The following RANBP17 variants were observed in gnomAD, a reference collection of about 807,000 sequenced individuals.
The protein encoded by RANBP17 is RAN binding protein 17, also known as ran-binding protein 17.
Under a neutral mutation model 141.2 loss-of-function variants are expected in RANBP17, and 158 were observed. The observed-to-expected ratio is 1.12, with a 90% CI of 0.98 to 1.28. The LOEUF (loss-of-function observed/expected upper bound fraction) is 1.28, where lower values mean the gene tolerates loss of function less well. RANBP17 is among the 50% of genes most tolerant of loss of function. RANBP17 has a pLI of 0.00. For synonymous variants in RANBP17, 430 were observed against 450.0 expected (o/e 0.96, Z 0.56); for missense variants, 1,438 against 1,290.7 (o/e 1.11, Z -1.75).
intron 2 of RANBP17, among the ~76,000 whole-genome samples, chr5:170,881,076 A>G (rs918322830): frequency 4.9e-5 from 7 of 143,886 alleles, no homozygotes; most frequent in Non-Finnish European, 9.1e-5. Context: ...TACAGATTTC[A>G]TATATTTTTC....
intron 14 of RANBP17, among the ~76,000 whole-genome samples, chr5:171,049,407 A>T (rs1029283906): frequency 6.6e-6 from 1 of 152,152 alleles, no homozygotes; most frequent in African/African-American, 2.4e-5. Context: ...GTGTTCTCCC[A>T]TTCTGTAGGT....
intron 1 of RANBP17, among the ~76,000 whole-genome samples, chr5:170,869,950 G>A (rs896080509): frequency 6.6e-6 from 1 of 152,150 alleles, no homozygotes; most frequent in African/African-American, 2.4e-5. Flanking sequence ...GATTGGCACT[G>A]TTACTAGTCT....
Position 171,205,523 on chromosome 5 carries a change from G to A in RANBP17, c.2143-1G>A, listed in dbSNP as rs1762527675. ...TTACTGTGTCTCTTTCCCACTGACA[G>A]CGTATGTTGATCGGGCTGGCAAGAG... On this transcript the variant is annotated splice_acceptor_variant, in intron 19 of 27. Transcript: ENST00000523189. LOFTEE classifies it high-confidence loss of function. 5 of 1,613,296 alleles carry A rather than the reference G, an allele frequency of 3.1e-6. No individual in the cohort carries two copies. Among genetic ancestry groups the A allele is most frequent in the Admixed American group, 1.7e-5 (1 of 59,974 alleles).
At chr5:170,936,148 G>A (rs919328051) in intron 12 of RANBP17, among the ~76,000 whole-genome samples, 7 of 152,172 alleles carry the variant, frequency 4.6e-5, no homozygotes, top group South Asian at 2.1e-4. Flanking sequence ...TTGGAAAAGC[G>A]CAGTATTAGG....
chr5:171,195,746 G>A (rs1056179010), intron 18 of RANBP17, among the ~76,000 whole-genome samples: 3 of 152,168 alleles, frequency 2.0e-5, no homozygotes, highest in Admixed American at 6.5e-5. Context: ...ATCCTGGCTC[G>A]CTGACATTTA....
At chr5:171,159,049 A>G (rs1185181117) in intron 14 of RANBP17, among the ~76,000 whole-genome samples, 1 of 152,196 alleles carries the variant, frequency 6.6e-6, no homozygotes, top group Non-Finnish European at 1.5e-5. Flanking sequence ...TTGCTGAATT[A>G]TTCATTACAT....
At chr5:171,226,596 A>G (rs990609228) in intron 22 of RANBP17, among the ~76,000 whole-genome samples, 4 of 152,182 alleles carry the variant, frequency 2.6e-5, no homozygotes, top group African/African-American at 9.7e-5. Context: ...CCTAGATAAT[A>G]GGCCATTGGT....
At chr5:171,191,956 A>C (rs1053238003) in intron 18 of RANBP17, among the ~76,000 whole-genome samples, 15 of 152,224 alleles carry the variant, frequency 9.9e-5, no homozygotes, top group African/African-American at 3.4e-4. Context: ...TGAAATAAAC[A>C]GATAGATGCA....
At chr5:171,057,890 C>T (rs576153842) in intron 14 of RANBP17, among the ~76,000 whole-genome samples, 7 of 152,050 alleles carry the variant, frequency 4.6e-5, no homozygotes, top group Admixed American at 2.0e-4. Flanking sequence ...CACCTGGTCT[C>T]GGCCTTGACA....
intron 14 of RANBP17, among the ~76,000 whole-genome samples, chr5:171,043,589 A>G (rs1206465575): frequency 6.6e-6 from 1 of 152,146 alleles, no homozygotes; most frequent in East Asian, 1.9e-4. Context: ...ACAGGAATAT[A>G]TTTATTGCAT....
At chr5:171,103,517 G>A (rs1320816657) in intron 14 of RANBP17, among the ~76,000 whole-genome samples, 1 of 152,128 alleles carries the variant, frequency 6.6e-6, no homozygotes, top group African/African-American at 2.4e-5. Context: ...TTCAAGCCAG[G>A]GGATCTTAGC....
intron 14 of RANBP17, among the ~76,000 whole-genome samples, chr5:171,005,385 T>C (rs1472325446): frequency 2.6e-5 from 4 of 152,180 alleles, no homozygotes; most frequent in South Asian, 2.1e-4. Context: ...GGTACTGGTA[T>C]CAAAACAGAG....
At chr5:171,214,066 T>C (rs1467808852) in intron 21 of RANBP17, among the ~76,000 whole-genome samples, 1 of 152,214 alleles carries the variant, frequency 6.6e-6, no homozygotes, top group Non-Finnish European at 1.5e-5. Flanking sequence ...TGCAATTCTA[T>C]AGAATTTTAA....
rs556977562 is a variant in RANBP17, at chr5:171,251,385, A to G, written c.2776+8565A>G. ...ATGAGCCACCGCACCTGGCCCAACA[A>G]ATTTTTAAAAATTGAAATCATATCA... On this transcript the variant is annotated intron_variant, in intron 24 of 27. Coordinates refer to ENST00000523189, the MANE Select transcript of RANBP17 (RefSeq NM_022897.5). Among the ~76,000 whole-genome samples, 40 of 152,252 alleles carry G rather than the reference A, an allele frequency of 2.6e-4. 2 individuals carry two copies. The South Asian group carries it at 7.9e-3, about 30-fold the overall frequency.
At chr5:170,964,757 A>G (rs369819886) in intron 13 of RANBP17, among the ~76,000 whole-genome samples, 1 of 152,364 alleles carries the variant, frequency 6.6e-6, no homozygotes, top group African/African-American at 2.4e-5. Flanking sequence ...CTAGTATACC[A>G]TGGTGTATAT....
intron 14 of RANBP17, among the ~76,000 whole-genome samples, chr5:171,113,091 A>G (rs1034104462): frequency 6.6e-6 from 1 of 152,168 alleles, no homozygotes; most frequent in Non-Finnish European, 1.5e-5. Context: ...GCATGTGTAC[A>G]GCATAATTGT....
intron 14 of RANBP17, among the ~76,000 whole-genome samples, chr5:171,159,957 TTTGGACAA>T (rs1272048489): frequency 1.4e-5 from 2 of 140,082 alleles, no homozygotes; most frequent in Non-Finnish European, 3.1e-5. Flanking sequence ...AAGAAGAAAA[TTTGGACAA>T]TTGGATGGAC....
intron 12 of RANBP17, among the ~76,000 whole-genome samples, chr5:170,951,966 GT>G (rs1259425238): frequency 6.6e-6 from 1 of 152,008 alleles, no homozygotes; most frequent in African/African-American, 2.4e-5. Context: ...TGTTAGTGTT[GT>G]TGATGATGTA....
chr5:170,912,806 A>G (rs1029736265), intron 7 of RANBP17, among the ~76,000 whole-genome samples: 1 of 151,852 alleles, frequency 6.6e-6, no homozygotes, highest in Non-Finnish European at 1.5e-5. Flanking sequence ...AACAGATAGT[A>G]CCCCAAAATG....
Sources: gnomAD v4.1 joint callset for allele counts (sites outside exome capture counted in the v4.1 genomes callset) on GRCh38, gnomAD v4.1.1 for gene constraint, MANE v1.5 for transcripts, NCBI Gene and HGNC (gene_info 2026-07-23, HGNC 2026-07-21) for gene names.